Variants in GNG10 observed in about 807,000 individuals in gnomAD.
GNG10 encodes guanine nucleotide-binding protein G(I)/G(S)/G(O) subunit gamma-10.
GNG10 carries 7 observed loss-of-function variants against 6.8 expected under a neutral mutation model. That is an observed-to-expected ratio of 1.02 (90% CI 0.58 to 1.92). The LOEUF (loss-of-function observed/expected upper bound fraction) is 1.92. Among genes scored for constraint, GNG10 ranks in the 30% most tolerant of loss-of-function variants. GNG10 has a pLI of 0.00. For missense variants in GNG10, 57 were observed against 86.1 expected (o/e 0.66, Z 1.34); for synonymous variants, 28 against 34.8 (o/e 0.80, Z 0.69).
intron 1 of GNG10, among the ~76,000 whole-genome samples, chr9:111,663,664 G>C (rs1183946290): frequency 6.6e-6 from 1 of 152,144 alleles, no homozygotes; most frequent in Non-Finnish European, 1.5e-5. Context: ...TGTTGGCATT[G>C]AGGAGAAGGC....
At chr9:111,669,183 A>C (rs891495281) in intron 2 of GNG10, 86 bp from the exon 3 acceptor site, 1 of 152,202 alleles carries the variant, frequency 6.6e-6, no homozygotes, top group Non-Finnish European at 1.5e-5. Flanking sequence ...TATTTCGTGA[A>C]TACTAAAGTA....
chr9:111,664,701 T>C (rs1159798527), intron 1 of GNG10, among the ~76,000 whole-genome samples: 1 of 152,122 alleles, frequency 6.6e-6, no homozygotes, highest in Non-Finnish European at 1.5e-5. Flanking sequence ...TCACGTTTAC[T>C]CTTCTCTTAT....
chr9:111,665,813 G>A (rs1426117889), intron 1 of GNG10, among the ~76,000 whole-genome samples: 3 of 151,188 alleles, frequency 2.0e-5, no homozygotes, highest in Non-Finnish European at 2.9e-5. Context: ...TGAAACCTCC[G>A]CCTCCTGGGT....
Position 111,661,659 on chromosome 9 carries a change from G to C in GNG10, c.25G>C (p.Ala9Pro), listed in dbSNP as rs1216827587. 1 of 1,374,504 alleles carries C rather than the reference G, an allele frequency of 7.3e-7. No homozygotes were observed. The allele number at this position is 1,374,504 out of a possible 1,614,324, so 85.1% of individuals were successfully genotyped here. MSSGASAS[A>P]LQRLVEQLKL... ...CATGTCCTCCGGGGCTAGCGCGAGC[G>C]CCCTGCAGCGCTTGGTAGAGCAGCT... The change falls in exon 1 of 3, where the codon GCC becomes CCC. Residue 9 changes from alanine (A) to proline (P), a missense_variant. Physicochemically the swap from Ala to Pro is conservative, Grantham distance 27 (BLOSUM62 -1). Coordinates refer to ENST00000374293, the MANE Select transcript of GNG10 (RefSeq NM_001017998.4). The surrounding 1 kb of genome is among the most constrained non-coding windows in gnomAD (Gnocchi z 6.1).
At chr9:111,663,181 G>C (rs1189080792) in intron 1 of GNG10, among the ~76,000 whole-genome samples, 1 of 152,192 alleles carries the variant, frequency 6.6e-6, no homozygotes, top group African/African-American at 2.4e-5. Context: ...AGAGGAAAGG[G>C]GACTAAGGGA....
At chr9:111,665,618 A>T (rs12344496) in intron 1 of GNG10, among the ~76,000 whole-genome samples, 1 of 152,162 alleles carries the variant, frequency 6.6e-6, no homozygotes, top group African/African-American at 2.4e-5. Flanking sequence ...GTTGTCTTAC[A>T]GTTCCACCTG....
At position 111,666,750 on chromosome 9, in the gene GNG10, A is replaced by G. The variant is rs998840909; in HGVS notation, c.82-65A>G. On this transcript the variant is annotated intron_variant, in intron 1 of 2. Coordinates refer to ENST00000374293, the MANE Select transcript of GNG10 (RefSeq NM_001017998.4). ...ACCAAGTTGGATGATCGTTTTCAGA[A>G]TATCCTTGACTGCCGGGTGGCTTGG... The G allele has an allele frequency of 1.7e-5, 26 of 1,544,122 alleles. No individual in the cohort carries two copies. The East Asian group carries it at 4.8e-4, about 29-fold the overall frequency.
In GNG10 at chr9:111,661,628, C is replaced by G; in HGVS notation, c.-7C>G. ...CCAGCAGCCCCTAGGAGCCCAGCGC[C>G]GCCGCCATGTCCTCCGGGGCTAGCG... On this transcript the variant is annotated 5_prime_UTR_variant, in exon 1 of 3. Coordinates refer to ENST00000374293, the MANE Select transcript of GNG10 (RefSeq NM_001017998.4). This position sits in a 1 kb window ranked among gnomAD's most constrained non-coding sequence, Gnocchi z 6.1. 1 of 1,320,846 alleles carries G rather than the reference C, an allele frequency of 7.6e-7. No individual in the cohort carries two copies. 81.8% of individuals were successfully genotyped at this position (1,320,846 alleles called of 1,614,324 possible).
At position 111,661,648 on chromosome 9, in the gene GNG10, C is replaced by G; in HGVS notation, c.14C>G (p.Ala5Gly). The G allele has an allele frequency of 1.5e-6, 2 of 1,360,122 alleles. No individual in the cohort carries two copies. Among genetic ancestry groups the G allele is most frequent in the Non-Finnish European group, 1.9e-6 (2 of 1,035,902 alleles). The allele number at this position is 1,360,122 out of a possible 1,614,324, so 84.3% of individuals were successfully genotyped here. The change falls in exon 1 of 3, where the codon GCT becomes GGT. Residue 5 changes from alanine (A) to glycine (G), a missense_variant. Transcript: ENST00000374293. This position sits in a 1 kb window ranked among gnomAD's most constrained non-coding sequence, Gnocchi z 6.1. ...AGCGCCGCCGCCATGTCCTCCGGGG[C>G]TAGCGCGAGCGCCCTGCAGCGCTTG... Reference protein sequence around the residue: MSSGASASALQRLVE... With the variant: MSSGGSASALQRLVE...
chr9:111,668,780 C>T (rs528044407), intron 2 of GNG10, among the ~76,000 whole-genome samples: 16 of 149,626 alleles, frequency 1.1e-4, no homozygotes, highest in East Asian at 4.1e-4. Context: ...CCACTGCGCC[C>T]GGCCTTACAA....
chr9:111,661,613 C>G lies in GNG10; in HGVS notation c.-22C>G. On this transcript the variant is annotated 5_prime_UTR_variant, in exon 1 of 3. Coordinates refer to ENST00000374293, the MANE Select transcript of GNG10 (RefSeq NM_001017998.4). The surrounding 1 kb of genome is among the most constrained non-coding windows in gnomAD (Gnocchi z 6.1). ...CCCGCCCGGCCGGGCCCAGCAGCCC[C>G]TAGGAGCCCAGCGCCGCCGCCATGT... 1 of 1,289,960 alleles carries G rather than the reference C, an allele frequency of 7.8e-7. No homozygotes were observed. The highest frequency in any genetic ancestry group is 1.0e-6 in the Non-Finnish European group (1 of 996,640). 79.9% of individuals were successfully genotyped at this position (1,289,960 alleles called of 1,614,324 possible).
chr9:111,667,920 G>T (rs1225821258), intron 2 of GNG10, among the ~76,000 whole-genome samples: 1 of 151,768 alleles, frequency 6.6e-6, no homozygotes, highest in Non-Finnish European at 1.5e-5. Flanking sequence ...GCGGTGGCGC[G>T]ATCTTGGCTC....
In GNG10 at chr9:111,661,672, T is replaced by C. The variant is rs775473988; in HGVS notation, c.38T>C (p.Leu13Ser). 7.3e-7 allele frequency: 1 copy of C among 1,378,396 alleles called. No homozygotes were observed. Among genetic ancestry groups the C allele is most frequent in the South Asian group, 1.5e-5 (1 of 68,404 alleles). The allele number at this position is 1,378,396 out of a possible 1,614,324, so 85.4% of individuals were successfully genotyped here. A position where few individuals can be genotyped will look rare whatever the true frequency, so the allele number is the denominator to read the frequency against. Residue 13 changes from leucine to serine, a missense_variant, in exon 1 of 3, where the codon TTG becomes TCG. Coordinates refer to ENST00000374293, the MANE Select transcript of GNG10 (RefSeq NM_001017998.4). This position sits in a 1 kb window ranked among gnomAD's most constrained non-coding sequence, Gnocchi z 6.1. ...GCTAGCGCGAGCGCCCTGCAGCGCTTGGTAGAGCAGCTCAAGTTGGAGGCT... is the reference window on the plus strand; with the variant it reads ...GCTAGCGCGAGCGCCCTGCAGCGCTCGGTAGAGCAGCTCAAGTTGGAGGCT... ...SGASASALQR[L>S]VEQLKLEAGV...
chr9:111,662,057 A>G (rs1784301831), intron 1 of GNG10, among the ~76,000 whole-genome samples: 1 of 152,074 alleles, frequency 6.6e-6, no homozygotes, highest in East Asian at 1.9e-4. Flanking sequence ...TGGGGAGGCC[A>G]CCGCAGGGCG....
At chr9:111,664,096 A>G (rs1166977054) in intron 1 of GNG10, among the ~76,000 whole-genome samples, 1 of 151,994 alleles carries the variant, frequency 6.6e-6, no homozygotes, top group East Asian at 1.9e-4. Context: ...CAAGCTCCCA[A>G]AGTGCTGGGA....
rs182438018 is a variant in GNG10, at chr9:111,669,308, G to A, written c.*46G>A. 1 of 152,320 alleles carries A rather than the reference G, an allele frequency of 6.6e-6. No individual in the cohort carries two copies. Among genetic ancestry groups the A allele is most frequent in the African/African-American group, 2.4e-5 (1 of 41,564 alleles). The allele number at this position is 152,320 out of a possible 1,614,324, so 9.4% of individuals were successfully genotyped here. On this transcript the variant is annotated 3_prime_UTR_variant, in exon 3 of 3. Coordinates refer to ENST00000374293, the MANE Select transcript of GNG10 (RefSeq NM_001017998.4). The stretch of plus-strand genomic sequence containing the variant: ...GCTGAGGAATGCCTTCAAGCACAAA[G>A]TGATGAATGACTGCCTTCAAGTCTC...
chr9:111,666,135 T>C (rs1423037509), intron 1 of GNG10, among the ~76,000 whole-genome samples: 1 of 152,174 alleles, frequency 6.6e-6, no homozygotes, highest in Non-Finnish European at 1.5e-5. Context: ...CACAAATGTA[T>C]TGCTATATGT....
chr9:111,662,411 A>T (rs538548438), intron 1 of GNG10, among the ~76,000 whole-genome samples: 2 of 152,194 alleles, frequency 1.3e-5, no homozygotes, highest in East Asian at 3.9e-4. Flanking sequence ...AGGAAATAAG[A>T]GACAGCAAGG....
intron 2 of GNG10, among the ~76,000 whole-genome samples, chr9:111,667,449 C>G (rs534849298): frequency 6.6e-6 from 1 of 152,032 alleles, no homozygotes; most frequent in African/African-American, 2.4e-5. Context: ...AGGCTGGTCT[C>G]GAACTCCTGA....
Sources: allele counts gnomAD v4.1 joint callset (sites outside exome capture counted in the v4.1 genomes callset), GRCh38; gene constraint gnomAD v4.1.1; non-coding constraint Gnocchi (gnomAD v3.1); transcripts MANE v1.5; gene names NCBI Gene and HGNC (gene_info 2026-07-23, HGNC 2026-07-21).